Variants in STXBP6 observed in about 807,000 individuals in gnomAD.
STXBP6 encodes the protein syntaxin binding protein 6, also known as syntaxin-binding protein 6.
STXBP6 carries 21 observed loss-of-function variants against 26.9 expected under a neutral mutation model. The observed-to-expected ratio is 0.78, with a 90% confidence interval of 0.55 to 1.12. The LOEUF (loss-of-function observed/expected upper bound fraction) is 1.12. Ranked by LOEUF, STXBP6 falls within the 50% of genes most tolerant of loss-of-function variation. STXBP6 has a pLI of 0.00. For synonymous variants in STXBP6, 97 were observed against 92.6 expected (o/e 1.05, Z -0.27); for missense variants, 232 against 257.9 (o/e 0.90, Z 0.69).
At chr14:24,985,346 C>G (rs1171809464) in intron 1 of STXBP6, among the ~76,000 whole-genome samples, 1 of 152,224 alleles carries the variant, frequency 6.6e-6, no homozygotes, top group Admixed American at 6.5e-5. Context: ...CAACAGGAGT[C>G]AACTCCTGAG....
intron 4 of STXBP6, among the ~76,000 whole-genome samples, chr14:24,854,734 G>A (rs927487082): frequency 1.3e-5 from 2 of 152,026 alleles, no homozygotes; most frequent in African/African-American, 4.8e-5. Flanking sequence ...AAGAGCACTG[G>A]TGGCGCAGAC....
intron 1 of STXBP6, among the ~76,000 whole-genome samples, chr14:25,012,104 T>C (rs2075045307): frequency 1.3e-5 from 2 of 152,250 alleles, no homozygotes; most frequent in South Asian, 2.1e-4. Flanking sequence ...TTGCCACTTA[T>C]TAGCTGTGAG....
chr14:24,852,328 T>C (rs2069183791), intron 4 of STXBP6, among the ~76,000 whole-genome samples: 1 of 152,160 alleles, frequency 6.6e-6, no homozygotes, highest in African/African-American at 2.4e-5. Context: ...GAAATTCTGC[T>C]AAAATTCCCC....
intron 1 of STXBP6, among the ~76,000 whole-genome samples, chr14:25,007,266 G>A (rs183351735): frequency 1.3e-5 from 2 of 152,306 alleles, no homozygotes; most frequent in South Asian, 2.1e-4. Flanking sequence ...ATGTGTACAC[G>A]TAAGGGCTGT....
At position 24,811,023 on chromosome 14, in the gene STXBP6, T is replaced by G. The variant is rs1165610079; in HGVS notation, c.*1686A>C. 4 of 152,156 alleles carry G rather than the reference T, an allele frequency of 2.6e-5. No individual in the cohort carries two copies. Among genetic ancestry groups the G allele is most frequent in the East Asian group, 3.8e-4 (2 of 5,202 alleles). 9.4% of individuals were successfully genotyped at this position (152,156 alleles called of 1,614,324 possible). On this transcript the variant is annotated 3_prime_UTR_variant, in exon 6 of 6. Coordinates refer to ENST00000323944, the MANE Select transcript of STXBP6 (RefSeq NM_001394410.1). ...GCATGTTCCTCGCTTCTTTAAATTTTTAAGACACCAAAAAGAAAGTATAAA... is the reference window on the plus strand; with the variant it reads ...GCATGTTCCTCGCTTCTTTAAATTTGTAAGACACCAAAAAGAAAGTATAAA...
intron 2 of STXBP6, among the ~76,000 whole-genome samples, chr14:24,933,507 A>ATGTACT (rs2072495966): frequency 6.6e-6 from 1 of 152,220 alleles, no homozygotes; most frequent in Non-Finnish European, 1.5e-5. Context: ...CAATTTCTGC[A>ATGTACT]TGTACTGAGG....
At position 24,811,898 on chromosome 14, in the gene STXBP6, G is replaced by T. The variant is rs938943563; in HGVS notation, c.*811C>A. The T allele has an allele frequency of 6.6e-6, 1 of 151,994 alleles. No individual in the cohort carries two copies. Among genetic ancestry groups the T allele is most frequent in the African/African-American group, 2.4e-5 (1 of 41,362 alleles). 9.4% of individuals were successfully genotyped at this position (151,994 alleles called of 1,614,324 possible). ...AATATAAGCACTTTTCCATACCAGC[G>T]ACCATCACTATGACAGTGACAAGAG... On this transcript the variant is annotated 3_prime_UTR_variant, in exon 6 of 6. Coordinates refer to ENST00000323944, the MANE Select transcript of STXBP6 (RefSeq NM_001394410.1).
intron 1 of STXBP6, among the ~76,000 whole-genome samples, chr14:25,031,717 A>ATT (rs58317547): frequency 3.1e-4 from 44 of 141,076 alleles, no homozygotes; most frequent in South Asian, 6.8e-4. Flanking sequence ...CTCCCAAGCA[A>ATT]TTTTTTTTTT....
At chr14:24,929,898 TA>T in intron 2 of STXBP6, among the ~76,000 whole-genome samples, 1 of 152,198 alleles carries the variant, frequency 6.6e-6, no homozygotes, top group Non-Finnish European at 1.5e-5. Flanking sequence ...TACCATACCA[TA>T]CTGGCTTCTA....
chr14:24,849,512 CA>C (rs1417597884), intron 4 of STXBP6, among the ~76,000 whole-genome samples: 3 of 152,094 alleles, frequency 2.0e-5, no homozygotes, highest in Admixed American at 2.0e-4. Flanking sequence ...GACTAAGTAG[CA>C]GGTCTTGACT....
At chr14:24,937,134 T>C (rs2072628993) in intron 2 of STXBP6, among the ~76,000 whole-genome samples, 1 of 152,174 alleles carries the variant, frequency 6.6e-6, no homozygotes, top group Non-Finnish European at 1.5e-5. Context: ...CACCAGGGCC[T>C]GTCGGCGGGT....
At position 25,049,663 on chromosome 14, in the gene STXBP6, G is replaced by A. The variant is rs977516318; in HGVS notation, c.-33+215C>T. ...GAACCAGGGACACGAGTCCCTCTCT[G>A]CGCGCACAAAGCAGCTGCGCCGGGG... On this transcript the variant is annotated intron_variant, in intron 1 of 5. Coordinates refer to ENST00000323944, the MANE Select transcript of STXBP6 (RefSeq NM_001394410.1). This position sits in a 1 kb window ranked among gnomAD's most constrained non-coding sequence, Gnocchi z 5.6. The A allele has an allele frequency of 1.5e-5, 15 of 985,608 alleles. No individual in the cohort carries two copies. In the African/African-American group the frequency reaches 2.1e-4, roughly 14 times the overall value. 61.1% of individuals were successfully genotyped at this position (985,608 alleles called of 1,614,324 possible).
chr14:24,859,982 A>C (rs901060878), intron 2 of STXBP6, among the ~76,000 whole-genome samples: 1 of 152,178 alleles, frequency 6.6e-6, no homozygotes, highest in Non-Finnish European at 1.5e-5. Flanking sequence ...TCATGGCTTC[A>C]TGCCTCTTCT....
chr14:24,927,467 C>T (rs575480476), intron 2 of STXBP6, among the ~76,000 whole-genome samples: 4 of 152,194 alleles, frequency 2.6e-5, no homozygotes, highest in African/African-American at 9.7e-5. Flanking sequence ...AAAGGCAGAA[C>T]ATATTTGTGC....
At chr14:24,905,973 A>T (rs1487130808) in intron 2 of STXBP6, among the ~76,000 whole-genome samples, 1 of 152,200 alleles carries the variant, frequency 6.6e-6, no homozygotes, top group Non-Finnish European at 1.5e-5. Context: ...ACCTGAGGGT[A>T]CAAACTTTGA....
chr14:24,876,234 G>C (rs1431754470), intron 2 of STXBP6, among the ~76,000 whole-genome samples: 1 of 152,184 alleles, frequency 6.6e-6, no homozygotes, highest in Non-Finnish European at 1.5e-5. Flanking sequence ...CAGCCAGAGA[G>C]CAGCTGATTT....
At chr14:24,891,413 A>ACT (rs1180649737) in intron 2 of STXBP6, among the ~76,000 whole-genome samples, 1 of 152,198 alleles carries the variant, frequency 6.6e-6, no homozygotes, top group African/African-American at 2.4e-5. Context: ...CTGAATGTCA[A>ACT]AAGACTAAGA....
chr14:24,991,991 C>A (rs1486919738), intron 1 of STXBP6, among the ~76,000 whole-genome samples: 2 of 152,174 alleles, frequency 1.3e-5, no homozygotes, highest in Middle Eastern at 3.2e-3. Context: ...GGGCTACGTG[C>A]CACTCTTTTG....
chr14:25,014,456 C>A (rs376552812), intron 1 of STXBP6, among the ~76,000 whole-genome samples: 1 of 152,230 alleles, frequency 6.6e-6, no homozygotes, highest in Non-Finnish European at 1.5e-5. Context: ...CAGAGGGAGA[C>A]CCTGTCTCTA....
Sources: gnomAD v4.1 joint callset for allele counts (sites outside exome capture counted in the v4.1 genomes callset) on GRCh38, gnomAD v4.1.1 for gene constraint, Gnocchi (gnomAD v3.1) non-coding constraint, MANE v1.5 for transcripts, NCBI Gene and HGNC (gene_info 2026-07-23, HGNC 2026-07-21) for gene names.